ARHGEF3: variants seen among roughly 807,000 people sequenced by gnomAD.
ARHGEF3 encodes the protein 59.8 kDA protein.
In ARHGEF3, 28 loss-of-function variants were observed where a neutral mutation model predicts 63.2. That is an observed-to-expected ratio of 0.44 (90% CI 0.33 to 0.61). ARHGEF3 has a LOEUF of 0.61. Among genes scored for constraint, ARHGEF3 ranks in the 20% least tolerant of loss-of-function variants. ARHGEF3 has a pLI of 0.03. For synonymous variants in ARHGEF3, 266 were observed against 254.2 expected, an observed-to-expected ratio of 1.05 and a Z score of -0.44; for missense variants, 533 against 659.3, an observed-to-expected ratio of 0.81 and a Z score of 2.10.
At position 57,071,498 on chromosome 3, in the gene ARHGEF3, A is replaced by G. The variant is rs547544949; in HGVS notation, c.-28+7728T>C. Among the ~76,000 whole-genome samples the G allele has an allele frequency of 5.3e-5, 8 of 152,150 alleles. No individual in the cohort carries two copies. In the East Asian group the frequency reaches 1.5e-3, roughly 29 times the overall value. On this transcript the variant is annotated intron_variant, in intron 1 of 12. Coordinates refer to the ARHGEF3 transcript ENST00000338458. Reference sequence around the variant, plus strand: ...AACATGGTGAAACCCCGTCTCTACTAAAAATACAAAAATCAGCTGGGTGTG... The same window carrying G: ...AACATGGTGAAACCCCGTCTCTACTGAAAATACAAAAATCAGCTGGGTGTG...
At chr3:56,741,496 CTTTTTTTTT>C (rs71072191) in intron 7 of ARHGEF3, among the ~76,000 whole-genome samples, 3 of 50,536 alleles carry the variant, frequency 5.9e-5, no homozygotes, top group Admixed American at 2.9e-4. Flanking sequence ...TACATTGGTT[CTTTTTTTTT>C]TTTTTTTTTT....
At chr3:57,059,614 G>A (rs566498763) in intron 1 of ARHGEF3, among the ~76,000 whole-genome samples, 1 of 151,922 alleles carries the variant, frequency 6.6e-6, no homozygotes, top group Non-Finnish European at 1.5e-5. Flanking sequence ...CATAGCCTCA[G>A]GCAAGTTGCT....
At chr3:56,979,931 G>C (rs34598297) in intron 2 of ARHGEF3, among the ~76,000 whole-genome samples, 21,787 of 152,170 alleles carry the variant, frequency 0.14, 1,886 homozygotes, top group Non-Finnish European at 0.19. Flanking sequence ...GACGGTGGTG[G>C]TTAGAAGCAA....
intron 3 of ARHGEF3, among the ~76,000 whole-genome samples, chr3:56,906,975 ATTTT>A (rs368006965): frequency 2.5e-4 from 18 of 72,368 alleles, no homozygotes; most frequent in African/African-American, 9.5e-4. Context: ...CTCACATTCT[ATTTT>A]TTTTTTTTTT....
At chr3:56,912,749 A>T (rs189912743) in intron 3 of ARHGEF3, among the ~76,000 whole-genome samples, 9 of 152,338 alleles carry the variant, frequency 5.9e-5, no homozygotes, top group African/African-American at 2.2e-4. Context: ...TCATACTTGA[A>T]AGACTCAAAA....
chr3:56,888,713 G>C (rs1691850896), intron 3 of ARHGEF3, among the ~76,000 whole-genome samples: 1 of 152,050 alleles, frequency 6.6e-6, no homozygotes, highest in South Asian at 2.1e-4. Flanking sequence ...GACCAGCCTG[G>C]CCAATATGGT....
At chr3:57,057,657 T>C (rs1705003318) in intron 1 of ARHGEF3, among the ~76,000 whole-genome samples, 1 of 152,116 alleles carries the variant, frequency 6.6e-6, no homozygotes, top group African/African-American at 2.4e-5. Context: ...AAAGTTTAAA[T>C]ACAAACGGAG....
At chr3:56,753,759 TTC>T (rs556255696) in intron 3 of ARHGEF3, among the ~76,000 whole-genome samples, 193 bp from the exon 4 acceptor site, 14 of 152,248 alleles carry the variant, frequency 9.2e-5, no homozygotes, top group Non-Finnish European at 2.1e-4. Context: ...CATATTGTGC[TTC>T]TCTGTTTGTG....
intron 4 of ARHGEF3, among the ~76,000 whole-genome samples, chr3:56,845,951 T>C (rs1214715938): frequency 6.6e-6 from 1 of 152,230 alleles, no homozygotes; most frequent in African/African-American, 2.4e-5. Flanking sequence ...GTTTACTCTG[T>C]AGCAGCTGTC....
chr3:56,814,266 G>A (rs2038180348), intron 4 of ARHGEF3, among the ~76,000 whole-genome samples: 1 of 152,074 alleles, frequency 6.6e-6, no homozygotes, highest in Non-Finnish European at 1.5e-5. Context: ...ACATAAATTT[G>A]TAAACTTTCG....
chr3:57,004,971 A>AATATATATAT (rs142618755), intron 2 of ARHGEF3, among the ~76,000 whole-genome samples: 2 of 148,052 alleles, frequency 1.4e-5, no homozygotes, highest in African/African-American at 5.0e-5. Flanking sequence ...AAAATAAATA[A>AATATATATAT]ATATATATAT....
chr3:56,806,702 G>C (rs1472867475), upstream of ARHGEF3, among the ~76,000 whole-genome samples: 1 of 152,186 alleles, frequency 6.6e-6, no homozygotes. Flanking sequence ...TTTTAGACTT[G>C]CAGACAACCA....
intron 3 of ARHGEF3, among the ~76,000 whole-genome samples, chr3:56,946,253 C>A (rs1444338272): frequency 6.6e-6 from 1 of 152,130 alleles, no homozygotes; most frequent in Non-Finnish European, 1.5e-5. Flanking sequence ...AGCTCCTCAC[C>A]AGCAATGGAA....
At chr3:56,828,743 A>C (rs1403364386) in intron 4 of ARHGEF3, among the ~76,000 whole-genome samples, 2 of 152,024 alleles carry the variant, frequency 1.3e-5, no homozygotes, top group East Asian at 3.9e-4. Flanking sequence ...CATCTGTGGG[A>C]GCCTGTTTCT....
intron 8 of ARHGEF3, among the ~76,000 whole-genome samples, chr3:56,736,049 AACACACACAC>A (rs10530565): frequency 5.0e-4 from 74 of 147,176 alleles, no homozygotes; most frequent in South Asian, 1.9e-3. Context: ...CAGAAATTTA[AACACACACAC>A]ACACACACAC....
At chr3:56,887,226 C>A (rs1456089056) in intron 3 of ARHGEF3, among the ~76,000 whole-genome samples, 1 of 152,180 alleles carries the variant, frequency 6.6e-6, no homozygotes, top group African/African-American at 2.4e-5. Context: ...AAGGACTGCA[C>A]AGCATAGCAA....
chr3:57,028,309 T>G (rs1414596723), intron 2 of ARHGEF3, among the ~76,000 whole-genome samples: 2 of 87,920 alleles, frequency 2.3e-5, no homozygotes, highest in African/African-American at 9.1e-5. Flanking sequence ...CCAACAATGA[T>G]AGACTGGATT....
At chr3:56,991,240 G>A (rs1011825042) in intron 2 of ARHGEF3, among the ~76,000 whole-genome samples, 1 of 151,928 alleles carries the variant, frequency 6.6e-6, no homozygotes, top group Non-Finnish European at 1.5e-5. Flanking sequence ...TAATACCCTG[G>A]CCACTCACAT....
At chr3:56,845,125 A>ATAT (rs2039443610) in intron 4 of ARHGEF3, among the ~76,000 whole-genome samples, 2 of 118,540 alleles carry the variant, frequency 1.7e-5, no homozygotes, top group Non-Finnish European at 4.1e-5. Context: ...TCCTTCAACC[A>ATAT]CAAGAAGCTG....
Sources: allele counts gnomAD v4.1 joint callset (sites outside exome capture counted in the v4.1 genomes callset), GRCh38; gene constraint gnomAD v4.1.1; transcripts MANE v1.5; gene names NCBI Gene and HGNC (gene_info 2026-07-23, HGNC 2026-07-21).